Variants in SKI observed in about 807,000 individuals in gnomAD.
The protein encoded by SKI is SKI proto-oncogene.
In SKI, 23 loss-of-function variants were observed where a neutral mutation model predicts 59.3. The ratio of observed to expected loss-of-function variants is 0.39; its 90% CI spans 0.28 to 0.55. SKI has a LOEUF of 0.55. Ranked by LOEUF, SKI falls within the 20% of genes least tolerant of loss-of-function variation. The pLI, the probability that SKI is intolerant of heterozygous loss-of-function variation, is 0.67. For synonymous variants in SKI, 673 were observed against 488.6 expected (o/e 1.38, Z -4.98); for missense variants, 1,017 against 1,038.9 (o/e 0.98, Z 0.29).
Position 2,229,824 on chromosome 1 carries a change from G to T in SKI, c.969+89G>T. On this transcript the variant is annotated intron_variant, in intron 1 of 6. Coordinates refer to ENST00000378536, the MANE Select transcript of SKI (RefSeq NM_003036.4). The surrounding 1 kb of genome is among the most constrained non-coding windows in gnomAD (Gnocchi z 6.3). Reference sequence around the variant, plus strand: ...ACAGGCTCTGGTCTCCGAAGGCTGGGACCTGTGCTTCTGCCGTGCCCCATG... The same window carrying T: ...ACAGGCTCTGGTCTCCGAAGGCTGGTACCTGTGCTTCTGCCGTGCCCCATG... 1 of 1,543,242 alleles carries T rather than the reference G, an allele frequency of 6.5e-7. No individual in the cohort carries two copies. The highest frequency in any genetic ancestry group is 8.7e-7 in the Non-Finnish European group (1 of 1,143,108).
rs992504824 is a variant in SKI, at chr1:2,267,248, T to C, written c.970-35730T>C. 2.0e-5 allele frequency among the ~76,000 whole-genome samples: 3 copies of C among 152,124 alleles called. No individual in the cohort carries two copies. Among genetic ancestry groups the C allele is most frequent in the Non-Finnish European group, 4.4e-5 (3 of 68,034 alleles). On this transcript the variant is annotated intron_variant, in intron 1 of 6. Transcript: ENST00000378536. The surrounding 1 kb of genome is among the most constrained non-coding windows in gnomAD (Gnocchi z 4.1). Reference sequence around the variant, plus strand: ...TAACATCTGCAGGCACAGGCGACGATAGCAGTTGTGGGCCAGCCGTCAGGA... The same window carrying C: ...TAACATCTGCAGGCACAGGCGACGACAGCAGTTGTGGGCCAGCCGTCAGGA...
chr1:2,274,913 G>C (rs1639707599), intron 1 of SKI, among the ~76,000 whole-genome samples: 1 of 152,346 alleles, frequency 6.6e-6, no homozygotes, highest in Middle Eastern at 3.4e-3. Flanking sequence ...CCTTGTGAGG[G>C]TGGGCACAGG....
chr1:2,298,710 G>A (rs1447192438), intron 1 of SKI, among the ~76,000 whole-genome samples: 1 of 152,226 alleles, frequency 6.6e-6, no homozygotes. Context: ...CAGGTGAGGT[G>A]CAGACATTCA....
chr1:2,270,982 C>G lies in SKI; in HGVS notation c.970-31996C>G, dbSNP rs1639603703. 6.6e-6 allele frequency among the ~76,000 whole-genome samples: 1 copy of G among 152,186 alleles called. No individual in the cohort carries two copies. The highest frequency in any genetic ancestry group is 1.5e-5 in the Non-Finnish European group (1 of 68,026). On this transcript the variant is annotated intron_variant, in intron 1 of 6. Coordinates refer to ENST00000378536, the MANE Select transcript of SKI (RefSeq NM_003036.4). This position sits in a 1 kb window ranked among gnomAD's most constrained non-coding sequence, Gnocchi z 4.1. ...GCCGATGGCCGCAAGTGCCTGGCCT[C>G]AGGCCTGGGCTGTGGGGATGACTGA...
At chr1:2,241,096 C>A (rs1638860498) in intron 1 of SKI, among the ~76,000 whole-genome samples, 1 of 152,248 alleles carries the variant, frequency 6.6e-6, no homozygotes, top group African/African-American at 2.4e-5. Context: ...TGCTGTGGGC[C>A]CAGAAGGTGG....
At chr1:2,292,434 C>T (rs1640180973) in intron 1 of SKI, among the ~76,000 whole-genome samples, 1 of 152,180 alleles carries the variant, frequency 6.6e-6, no homozygotes, top group Admixed American at 6.5e-5. Flanking sequence ...AGACGTTCAT[C>T]AGGGACCTGC....
intron 1 of SKI, 28 bp from the exon 2 acceptor site, chr1:2,302,950 T>A (rs1384428478): frequency 6.2e-7 from 1 of 1,613,022 alleles, no homozygotes; most frequent in Non-Finnish European, 8.5e-7. Context: ...GAACCACAGG[T>A]GCCAACAAAA....
At chr1:2,241,232 G>A (rs1158562066) in intron 1 of SKI, among the ~76,000 whole-genome samples, 1 of 152,216 alleles carries the variant, frequency 6.6e-6, no homozygotes, top group Non-Finnish European at 1.5e-5. Flanking sequence ...GCTTAAATAT[G>A]TCTGTGGACT....
intron 1 of SKI, among the ~76,000 whole-genome samples, chr1:2,254,122 GCTGGGGTTGGCA>G (rs1639224062): frequency 6.6e-6 from 1 of 152,222 alleles, no homozygotes; most frequent in Non-Finnish European, 1.5e-5. Context: ...ACCATGAGGG[GCTGGGGTTGGCA>G]CTGGCGCTGC....
Position 2,304,439 on chromosome 1 carries a change from G to T in SKI, c.1621G>T (p.Glu541Ter). ...PADAPSGLEA[E>*]LEHLRQALEG... The stretch of plus-strand genomic sequence containing the variant: ...CGACGCCCCCAGTGGGCTGGAGGCG[G>T]AGCTGGAGCACCTGCGGCAGGCACT... Residue 541 changes from glutamate to a stop codon, truncating the protein, a stop_gained, in exon 5 of 7, where the codon GAG (glutamate) becomes TAG (stop). Coordinates refer to ENST00000378536, the MANE Select transcript of SKI (RefSeq NM_003036.4). LOFTEE classifies it high-confidence loss of function. 6.4e-7 allele frequency: 1 copy of T among 1,561,704 alleles called. No individual in the cohort carries two copies.
intron 1 of SKI, among the ~76,000 whole-genome samples, chr1:2,292,057 C>T (rs547291310): frequency 2.6e-5 from 4 of 152,330 alleles, no homozygotes; most frequent in East Asian, 1.9e-4. Flanking sequence ...ACCGTGAAAT[C>T]TTCAGAGAAG....
At chr1:2,251,492 G>A (rs1028834602) in intron 1 of SKI, among the ~76,000 whole-genome samples, 9 of 152,054 alleles carry the variant, frequency 5.9e-5, no homozygotes, top group Admixed American at 1.3e-4. Context: ...GCGCCCTCAC[G>A]TCCCACCACA....
chr1:2,288,341 C>CT (rs1167190178), intron 1 of SKI, among the ~76,000 whole-genome samples: 2 of 152,208 alleles, frequency 1.3e-5, no homozygotes, highest in Non-Finnish European at 2.9e-5. Flanking sequence ...AGGCTGGTCT[C>CT]TAACTCCTAA....
intron 1 of SKI, among the ~76,000 whole-genome samples, chr1:2,238,287 G>C (rs1260633957): frequency 6.6e-6 from 1 of 152,248 alleles, no homozygotes. Flanking sequence ...CCAGCTGCCC[G>C]TGGCCCTCTT....
intron 1 of SKI, among the ~76,000 whole-genome samples, chr1:2,294,145 C>T (rs1640232211): frequency 6.6e-6 from 1 of 152,184 alleles, no homozygotes; most frequent in Non-Finnish European, 1.5e-5. Flanking sequence ...CTTCCTCTTC[C>T]CCTGAGCGGG....
chr1:2,303,201 G>A lies in SKI; in HGVS notation c.1096-84G>A, dbSNP rs1433624440. ...GGCAGCTCCACCTGCCCGCTACTGAGGGCTGGCACCCGGCGCAGCCTCAGG... is the reference window on the plus strand; with the variant it reads ...GGCAGCTCCACCTGCCCGCTACTGAAGGCTGGCACCCGGCGCAGCCTCAGG... On this transcript the variant is annotated intron_variant, in intron 2 of 6. Transcript: ENST00000378536. The surrounding 1 kb of genome is among the most constrained non-coding windows in gnomAD (Gnocchi z 5.6). The A allele has an allele frequency of 3.1e-6, 5 of 1,600,520 alleles. No individual in the cohort carries two copies. The highest frequency in any genetic ancestry group is 3.4e-6 in the Non-Finnish European group (4 of 1,170,000).
intron 5 of SKI, 84 bp from the exon 6 acceptor site, chr1:2,305,936 G>C (rs533033864): frequency 9.4e-7 from 1 of 1,062,758 alleles, no homozygotes; most frequent in African/African-American, 1.6e-5. Flanking sequence ...ATGACCCCAC[G>C]GGGTGGGCTG....
intron 1 of SKI, among the ~76,000 whole-genome samples, chr1:2,293,023 G>A (rs1169020765): frequency 2.0e-5 from 3 of 152,154 alleles, no homozygotes; most frequent in Non-Finnish European, 2.9e-5. Context: ...TGTTCTGTGG[G>A]GCTTCACTCC....
At chr1:2,256,749 G>C (rs1291395979) in intron 1 of SKI, among the ~76,000 whole-genome samples, 1 of 152,224 alleles carries the variant, frequency 6.6e-6, no homozygotes, top group African/African-American at 2.4e-5. Context: ...TCTGCTTTGG[G>C]CTCTGACATG....
Sources: allele counts gnomAD v4.1 joint callset (sites outside exome capture counted in the v4.1 genomes callset), GRCh38; gene constraint gnomAD v4.1.1; non-coding constraint Gnocchi (gnomAD v3.1); transcripts MANE v1.5; gene names NCBI Gene and HGNC (gene_info 2026-07-23, HGNC 2026-07-21).